Variants in UBQLN1 observed in about 807,000 individuals in gnomAD.
UBQLN1 encodes ubiquilin 1.
In UBQLN1, 13 loss-of-function variants were observed where a neutral mutation model predicts 65.4. The ratio of observed to expected loss-of-function variants is 0.20; its 90% CI spans 0.13 to 0.32. The LOEUF is 0.32. Among genes scored for constraint, UBQLN1 ranks in the 10% least tolerant of loss-of-function variants. The pLI, the probability that UBQLN1 is intolerant of heterozygous loss-of-function variation, is 1.00. For missense variants in UBQLN1, 561 were observed against 724.0 expected, an observed-to-expected ratio of 0.77 and a Z score of 2.58; for synonymous variants, 267 against 247.8, an observed-to-expected ratio of 1.08 and a Z score of -0.73.
intron 6 of UBQLN1, among the ~76,000 whole-genome samples, chr9:83,673,551 AAAAAAAAAAAAAAAAAC>A (rs1461986079): frequency 2.3e-4 from 12 of 53,284 alleles, no homozygotes; most frequent in Middle Eastern, 0.011. Flanking sequence ...TCTTTTAAAA[AAAAAAAAAAAAAAAAAC>A]AAAAAAAAAA....
At chr9:83,687,857 AT>A (rs1832065024) in intron 1 of UBQLN1, among the ~76,000 whole-genome samples, 1 of 152,222 alleles carries the variant, frequency 6.6e-6, no homozygotes, top group African/African-American at 2.4e-5. Context: ...CCAAAAAAGC[AT>A]AAAGATAACA....
chr9:83,684,717 G>A lies in UBQLN1; in HGVS notation c.332+1287C>T, dbSNP rs576709505. ...TTCCAGCTACTTGGGAGGCTGAGGCGGGAGAATCGCTTGAACCCAGAGGCA... is the reference window on the plus strand; with the variant it reads ...TTCCAGCTACTTGGGAGGCTGAGGCAGGAGAATCGCTTGAACCCAGAGGCA... On this transcript the variant is annotated intron_variant, in intron 2 of 10. Transcript: ENST00000376395. Among the ~76,000 whole-genome samples the A allele has an allele frequency of 3.3e-3, 504 of 151,634 alleles. 5 individuals are homozygous for A. The highest frequency in any genetic ancestry group is 2.5e-3 in the Non-Finnish European group (167 of 67,898).
chr9:83,673,612 A>C (rs181268164), intron 6 of UBQLN1, among the ~76,000 whole-genome samples: 74 of 151,770 alleles, frequency 4.9e-4, no homozygotes, highest in Admixed American at 9.8e-4. Flanking sequence ...TAAATAGTTA[A>C]GGGAAAAAAA....
chr9:83,688,728 G>A (rs960802332), intron 1 of UBQLN1, among the ~76,000 whole-genome samples: 1 of 152,018 alleles, frequency 6.6e-6, no homozygotes, highest in Non-Finnish European at 1.5e-5. Flanking sequence ...GGGCATTGTG[G>A]TGCATGTCTG....
At chr9:83,704,595 G>A (rs760303853) in intron 1 of UBQLN1, among the ~76,000 whole-genome samples, 4 of 152,160 alleles carry the variant, frequency 2.6e-5, no homozygotes, top group Non-Finnish European at 4.4e-5. Flanking sequence ...GGGAAGCCGA[G>A]GCAGGCGGAT....
At chr9:83,705,946 A>C (rs1832397533) in intron 1 of UBQLN1, among the ~76,000 whole-genome samples, 3 of 152,118 alleles carry the variant, frequency 2.0e-5, no homozygotes, top group African/African-American at 4.8e-5. Flanking sequence ...TAAAAAAAAA[A>C]AACTGGGTGG....
chr9:83,705,073 T>A (rs1055448862), intron 1 of UBQLN1, among the ~76,000 whole-genome samples: 1 of 152,040 alleles, frequency 6.6e-6, no homozygotes, highest in African/African-American at 2.4e-5. Context: ...ATCCGAGAGC[T>A]TTAAAACTTA....
At chr9:83,668,026 C>G in intron 7 of UBQLN1, 3 of 985,358 alleles carry the variant, frequency 3.0e-6, no homozygotes, top group Non-Finnish European at 3.6e-6. Flanking sequence ...AAGCAAGATG[C>G]ACATTCAGTA....
In UBQLN1 at chr9:83,701,840, T is replaced by C. The variant is rs72746881; in HGVS notation, c.180+5660A>G. On this transcript the variant is annotated intron_variant, in intron 1 of 10. Transcript: ENST00000376395. ...ACACCCAAGAAAAATGAAAACGTTA[T>C]GTCCCCACAAAAACTTATACATGAG... Among the ~76,000 whole-genome samples, 744 of 152,258 alleles carry C rather than the reference T, an allele frequency of 4.9e-3. 6 individuals carry two copies. The highest frequency in any genetic ancestry group is 7.5e-3 in the Non-Finnish European group (509 of 67,994).
At chr9:83,665,930 G>A (rs184576464) in intron 8 of UBQLN1, among the ~76,000 whole-genome samples, 70 of 151,908 alleles carry the variant, frequency 4.6e-4, no homozygotes, top group African/African-American at 1.6e-3. Context: ...CTACCCCTTG[G>A]GGAAAAAAAG....
At chr9:83,698,078 A>G (rs1401955050) in intron 1 of UBQLN1, among the ~76,000 whole-genome samples, 1 of 152,186 alleles carries the variant, frequency 6.6e-6, no homozygotes, top group Non-Finnish European at 1.5e-5. Flanking sequence ...TAGTGCTTTC[A>G]TCATAAAGTT....
At chr9:83,694,641 A>C (rs1405539825) in intron 1 of UBQLN1, among the ~76,000 whole-genome samples, 1 of 152,386 alleles carries the variant, frequency 6.6e-6, no homozygotes, top group East Asian at 1.9e-4. Flanking sequence ...AAATCTGACA[A>C]GAATAACAAA....
Position 83,670,208 on chromosome 9 carries a change from A to C in UBQLN1, c.1106-881T>G, listed in dbSNP as rs1337868775. Reference sequence around the variant, plus strand: ...TACACTCAAACTCAAATATATTCTCAAACTTACTATGCCAAGTCAACTCAT... The same window carrying C: ...TACACTCAAACTCAAATATATTCTCCAACTTACTATGCCAAGTCAACTCAT... On this transcript the variant is annotated intron_variant, in intron 6 of 10. Transcript: ENST00000376395. Among the ~76,000 whole-genome samples the C allele has an allele frequency of 7.2e-5, 11 of 151,962 alleles. No individual in the cohort carries two copies. The South Asian group carries it at 2.3e-3, about 32-fold the overall frequency.
chr9:83,666,564 A>G, intron 7 of UBQLN1, 131 bp from the exon 8 acceptor site: 4 of 791,256 alleles, frequency 5.1e-6, no homozygotes, highest in Non-Finnish European at 8.0e-6. Context: ...ATAAATAAAA[A>G]AAGGAAAAGG....
chr9:83,675,667 T>C (rs1831820222), intron 6 of UBQLN1, among the ~76,000 whole-genome samples: 1 of 152,254 alleles, frequency 6.6e-6, no homozygotes, highest in African/African-American at 2.4e-5. Flanking sequence ...TGTAATGGCA[T>C]GTTAAAAACA....
intron 8 of UBQLN1, among the ~76,000 whole-genome samples, chr9:83,665,733 G>A (rs1157638077): frequency 2.0e-5 from 3 of 152,172 alleles, no homozygotes; most frequent in Admixed American, 1.3e-4. Flanking sequence ...AGAGTCATTT[G>A]CATAATACAT....
Position 83,707,623 on chromosome 9 carries a change from T to G in UBQLN1, c.57A>C (p.Gly19=). Reference sequence around the variant, plus strand: ...CCGCGGGGGCGCCAGCACCTTCGGCTCCGGCGGCGCTATCCTGGGAGCCCG... The same window carrying G: ...CCGCGGGGGCGCCAGCACCTTCGGCGCCGGCGGCGCTATCCTGGGAGCCCG... ...GPPGSQDSAA[G]AEGAGAPAAA... is the part of the protein sequence containing the mutation. Residue 19 remains glycine (G), a synonymous_variant, in exon 1 of 11, where the codon GGA becomes GGC. Coordinates refer to ENST00000376395, the MANE Select transcript of UBQLN1 (RefSeq NM_013438.5). The G allele has an allele frequency of 1.9e-6, 3 of 1,583,192 alleles. No homozygotes were observed. Among genetic ancestry groups the G allele is most frequent in the South Asian group, 2.3e-5 (2 of 87,816 alleles).
Position 83,669,203 on chromosome 9 carries a change from A to G in UBQLN1, c.1230T>C (p.Asn410=). The G allele has an allele frequency of 6.2e-7, 1 of 1,611,140 alleles. No individual in the cohort carries two copies. Among genetic ancestry groups the G allele is most frequent in the Non-Finnish European group, 8.5e-7 (1 of 1,179,452 alleles). The change falls in exon 7 of 11, where the codon AAT becomes AAC. Residue 410 remains asparagine (N), a synonymous_variant. Transcript: ENST00000376395. ...AACTCACCTGTGCAGCAAGGTCAGG[A>G]TTCTGGCTTAGTGACTGCATCATGC... The part of the protein sequence containing the change: ...MRSMMQSLSQ[N]PDLAAQMMLN...
At position 83,662,679 on chromosome 9, in the gene UBQLN1, T is replaced by A. The variant is rs1831579841; in HGVS notation, c.1618-740A>T. On this transcript the variant is annotated intron_variant, in intron 10 of 10. Coordinates refer to ENST00000376395, the MANE Select transcript of UBQLN1 (RefSeq NM_013438.5). ...TCTTTCTTATTTATTCCATGAATAT[T>A]TACTGAGTACCTACCAAGAGCCAGA... 4.6e-5 allele frequency among the ~76,000 whole-genome samples: 7 copies of A among 152,356 alleles called. No individual in the cohort carries two copies. The South Asian group carries it at 1.4e-3, about 32-fold the overall frequency.
Sources: allele counts gnomAD v4.1 joint callset (sites outside exome capture counted in the v4.1 genomes callset), GRCh38; gene constraint gnomAD v4.1.1; transcripts MANE v1.5; gene names NCBI Gene and HGNC (gene_info 2026-07-23, HGNC 2026-07-21).